SORCS1: variants seen among roughly 807,000 people sequenced by gnomAD.
SORCS1 encodes VPS10 domain-containing receptor SorCS1.
Under a neutral mutation model 146.1 loss-of-function variants are expected in SORCS1, and 60 were observed. That is an observed-to-expected ratio of 0.41 (90% CI 0.33 to 0.51). The LOEUF is 0.51. Ranked by LOEUF, SORCS1 falls within the 20% of genes least tolerant of loss-of-function variation. The pLI, the probability that SORCS1 is intolerant of heterozygous loss-of-function variation, is 0.21. For missense variants in SORCS1, 1,352 were observed against 1,487.6 expected (o/e 0.91, Z 1.50); for synonymous variants, 637 against 584.0 (o/e 1.09, Z -1.31).
intron 3 of SORCS1, among the ~76,000 whole-genome samples, chr10:106,809,137 T>TTTTTG (rs1026216391): frequency 1.4e-4 from 22 of 152,056 alleles, no homozygotes; most frequent in Non-Finnish European, 7.4e-5. Context: ...GTTCTTCTTC[T>TTTTTG]TTTTGTTTTG....
chr10:107,091,013 G>A (rs1964145426), intron 1 of SORCS1, among the ~76,000 whole-genome samples: 1 of 152,096 alleles, frequency 6.6e-6, no homozygotes, highest in Admixed American at 6.5e-5. Context: ...TAAACACATG[G>A]GAAAGAAAAG....
chr10:107,162,989 G>C (rs1334468604), intron 1 of SORCS1, among the ~76,000 whole-genome samples: 1 of 152,176 alleles, frequency 6.6e-6, no homozygotes, highest in Non-Finnish European at 1.5e-5. Context: ...TACAATCAAA[G>C]CTGGTTCTCT....
At chr10:106,652,826 C>A (rs1849977678) in intron 17 of SORCS1, among the ~76,000 whole-genome samples, 1 of 152,064 alleles carries the variant, frequency 6.6e-6, no homozygotes, top group Admixed American at 6.6e-5. Context: ...GGGAAATGCA[C>A]AGAAATAGAA....
In SORCS1 at chr10:107,003,429, AGTGTGTGTGTGTGTGTGT is replaced by A. The variant is rs59467041; in HGVS notation, c.559-46867_559-46850del. Reference sequence around the variant, plus strand: ...ATAGAGAGAATAATAAATTCCCATAAGTGTGTGTGTGTGTGTGTGTGTGTGTGTGTGTGTGTGTGTGTG... The same window carrying A: ...ATAGAGAGAATAATAAATTCCCATAAGTGTGTGTGTGTGTGTGTGTGTGTG... On this transcript the variant is annotated intron_variant, in intron 1 of 25. Coordinates refer to ENST00000263054, the MANE Select transcript of SORCS1 (RefSeq NM_052918.5). Among the ~76,000 whole-genome samples the A allele has an allele frequency of 7.7e-3, 1,086 of 140,522 alleles. 15 individuals are homozygous for A. Among genetic ancestry groups the A allele is most frequent in the Non-Finnish European group, 9.0e-3 (577 of 63,874 alleles). 92.2% of individuals were successfully genotyped at this position (140,522 alleles called of 152,430 possible).
At chr10:106,927,713 T>C (rs1953136224) in intron 2 of SORCS1, among the ~76,000 whole-genome samples, 1 of 152,174 alleles carries the variant, frequency 6.6e-6, no homozygotes, top group African/African-American at 2.4e-5. Flanking sequence ...ATACAGAGTG[T>C]TGACACAAAG....
chr10:106,963,277 G>A (rs946513835), intron 1 of SORCS1, among the ~76,000 whole-genome samples: 2 of 151,786 alleles, frequency 1.3e-5, no homozygotes, highest in Non-Finnish European at 2.9e-5. Flanking sequence ...CACCACGCCC[G>A]GCTAACTTTC....
chr10:107,089,412 G>T (rs541726323), intron 1 of SORCS1, among the ~76,000 whole-genome samples: 66 of 152,254 alleles, frequency 4.3e-4, no homozygotes, highest in Admixed American at 1.4e-3. Context: ...CTTCAGAAAA[G>T]ACTAGTTTAA....
intron 1 of SORCS1, among the ~76,000 whole-genome samples, chr10:107,065,278 C>T (rs1961639628): frequency 6.6e-6 from 1 of 152,092 alleles, no homozygotes; most frequent in African/African-American, 2.4e-5. Context: ...GAGCTTTGCA[C>T]ACACTCGGTA....
At chr10:107,034,411 G>A (rs1292694539) in intron 1 of SORCS1, among the ~76,000 whole-genome samples, 3 of 151,892 alleles carry the variant, frequency 2.0e-5, no homozygotes, top group Non-Finnish European at 2.9e-5. Flanking sequence ...CGGGCATGGT[G>A]GCTCATACCT....
intron 8 of SORCS1, among the ~76,000 whole-genome samples, chr10:106,700,821 TC>T (rs1370620760): frequency 6.6e-6 from 1 of 152,200 alleles, no homozygotes; most frequent in African/African-American, 2.4e-5. Context: ...CTACTCAGGT[TC>T]CATATGACAT....
At chr10:106,633,461 C>T (rs1420133069) in intron 18 of SORCS1, among the ~76,000 whole-genome samples, 2 of 152,170 alleles carry the variant, frequency 1.3e-5, no homozygotes, top group Non-Finnish European at 2.9e-5. Context: ...CAATCTCTCC[C>T]TGTCCAGCCT....
chr10:107,153,594 C>T (rs1304364727), intron 1 of SORCS1, among the ~76,000 whole-genome samples: 1 of 152,134 alleles, frequency 6.6e-6, no homozygotes, highest in Non-Finnish European at 1.5e-5. Context: ...ACTCAGGAAA[C>T]AGACAGAGTG....
intron 17 of SORCS1, 97 bp downstream of exon 17, chr10:106,667,592 T>A: frequency 2.5e-6 from 2 of 796,354 alleles, no homozygotes; most frequent in Non-Finnish European, 4.2e-6. Flanking sequence ...TGTAAGGAAA[T>A]ATGCTTGGTC....
intron 3 of SORCS1, among the ~76,000 whole-genome samples, chr10:106,779,096 C>T (rs542422406): frequency 2.0e-4 from 30 of 152,050 alleles, no homozygotes; most frequent in Admixed American, 1.7e-3. Context: ...AAAAATAAAG[C>T]GACTCGTATC....
intron 1 of SORCS1, among the ~76,000 whole-genome samples, chr10:107,099,072 T>C (rs1345829996): frequency 2.0e-5 from 3 of 152,210 alleles, no homozygotes; most frequent in South Asian, 4.1e-4. Flanking sequence ...AAACAATCTA[T>C]AGTGAAGACA....
chr10:106,722,120 T>TACACACACACACACACACACACACAC (rs140882766), intron 6 of SORCS1, among the ~76,000 whole-genome samples: 11 of 144,268 alleles, frequency 7.6e-5, no homozygotes, highest in African/African-American at 2.6e-4. Flanking sequence ...AATATATAAA[T>TACACACACACACACACACACACACAC]ACACACACAC....
rs79357778 is a variant in SORCS1, at chr10:106,749,346, G to C, written c.959+12242C>G. On this transcript the variant is annotated intron_variant, in intron 5 of 25. Transcript: ENST00000263054. The stretch of plus-strand genomic sequence containing the variant: ...AGTTTTACTTGAGACTGCCCGCCTT[G>C]TGACCTCAGGCCCCAAACCTGCTTG... Among the ~76,000 whole-genome samples the C allele has an allele frequency of 1.7e-4, 26 of 152,238 alleles. No homozygotes were observed. In the East Asian group the frequency reaches 4.6e-3, roughly 27 times the overall value.
chr10:107,077,628 A>G (rs1962998422), intron 1 of SORCS1, among the ~76,000 whole-genome samples: 1 of 151,036 alleles, frequency 6.6e-6, no homozygotes, highest in Admixed American at 6.6e-5. Flanking sequence ...CCTCATAAGA[A>G]TCTCTTACAT....
At chr10:107,175,816 A>G in the SORCS1 span, among the ~76,000 whole-genome samples, 922 of 152,242 alleles carry the variant, frequency 6.1e-3, 4 homozygotes, top group Non-Finnish European at 0.01. Flanking sequence ...TTTCAAATCT[A>G]TTGATATAAA....
Sources: gnomAD v4.1 joint callset for allele counts (sites outside exome capture counted in the v4.1 genomes callset) on GRCh38, gnomAD v4.1.1 for gene constraint, MANE v1.5 for transcripts, NCBI Gene and HGNC (gene_info 2026-07-23, HGNC 2026-07-21) for gene names.